The following SNRPB2 variants were observed in gnomAD, a reference collection of about 807,000 sequenced individuals.
The protein encoded by SNRPB2 is U2 small nuclear ribonucleoprotein B''.
SNRPB2 carries 16 observed loss-of-function variants against 26.3 expected under a neutral mutation model. The observed-to-expected ratio is 0.61, with a 90% CI of 0.41 to 0.92. The LOEUF is 0.92. Among genes scored for constraint, SNRPB2 ranks in the 40% least tolerant of loss-of-function variants. SNRPB2 has a pLI of 0.00. For missense variants in SNRPB2, 179 were observed against 268.1 expected (o/e 0.67, Z 2.32); for synonymous variants, 75 against 89.0 (o/e 0.84, Z 0.88).
intron 5 of SNRPB2, among the ~76,000 whole-genome samples, chr20:16,739,124 A>G (rs1020258189): frequency 1.3e-5 from 2 of 152,208 alleles, no homozygotes; most frequent in Non-Finnish European, 2.9e-5. Context: ...CTTGTTTTCC[A>G]TAATGAATCA....
chr20:16,731,247 G>C (rs998178264), intron 1 of SNRPB2, among the ~76,000 whole-genome samples: 6 of 152,156 alleles, frequency 3.9e-5, no homozygotes, highest in African/African-American at 1.4e-4. Context: ...GACTTTGTAA[G>C]TGCACCCATT....
At chr20:16,737,545 G>A (rs1278155370) in intron 4 of SNRPB2, 144 bp downstream of exon 4, 1 of 616,494 alleles carries the variant, frequency 1.6e-6, no homozygotes, top group Admixed American at 3.4e-5. Flanking sequence ...AGCTAGAATG[G>A]TTGACTTATA....
At chr20:16,733,812 C>T (rs2072408411) in intron 3 of SNRPB2, among the ~76,000 whole-genome samples, 1 of 152,290 alleles carries the variant, frequency 6.6e-6, no homozygotes, top group South Asian at 2.1e-4. Context: ...CTATCCAGCT[C>T]TCCTTTTCCC....
intron 4 of SNRPB2, among the ~76,000 whole-genome samples, chr20:16,738,039 A>C (rs1360924848): frequency 1.5e-5 from 2 of 136,238 alleles, no homozygotes; most frequent in African/African-American, 2.9e-5. Context: ...ACTCTGTCTC[A>C]AAAAAAAAAA....
intron 6 of SNRPB2, 107 bp downstream of exon 6, chr20:16,740,520 T>C (rs780236349): frequency 8.0e-6 from 12 of 1,499,938 alleles, no homozygotes; most frequent in Non-Finnish European, 1.1e-5. Context: ...CCTTACAGGT[T>C]CATTGATTTG....
intron 3 of SNRPB2, among the ~76,000 whole-genome samples, chr20:16,734,467 T>A (rs2072412456): frequency 6.6e-6 from 1 of 152,208 alleles, no homozygotes; most frequent in Admixed American, 6.5e-5. Context: ...CAAAAGTACC[T>A]TAATAAAGTA....
chr20:16,735,999 T>C (rs6044275), intron 3 of SNRPB2, among the ~76,000 whole-genome samples: 68,160 of 152,038 alleles, frequency 0.45, 16,237 homozygotes, highest in African/African-American at 0.62. Context: ...AATGCATTTT[T>C]GTTGTTGTTG....
chr20:16,740,757 C>T, intron 6 of SNRPB2, 89 bp from the exon 7 acceptor site: 1 of 941,812 alleles, frequency 1.1e-6, no homozygotes, highest in Non-Finnish European at 1.6e-6. Flanking sequence ...TTTTCTTGGA[C>T]TAGTATTAGG....
chr20:16,740,102 A>G (rs2122508102), intron 5 of SNRPB2, among the ~76,000 whole-genome samples: 1 of 152,124 alleles, frequency 6.6e-6, no homozygotes, highest in African/African-American at 2.4e-5. Context: ...CTTAAAACAT[A>G]ATTGTTTCAT....
chr20:16,739,659 A>G (rs766948579), intron 5 of SNRPB2, among the ~76,000 whole-genome samples: 1 of 152,080 alleles, frequency 6.6e-6, no homozygotes, highest in Non-Finnish European at 1.5e-5. Context: ...TATTTTTTAT[A>G]CTTGCTCTTT....
intron 5 of SNRPB2, among the ~76,000 whole-genome samples, chr20:16,739,735 C>A (rs2072451123): frequency 6.6e-6 from 1 of 152,048 alleles, no homozygotes; most frequent in Admixed American, 6.6e-5. Flanking sequence ...TTCTTTAGTT[C>A]CCCATAACCT....
At chr20:16,732,112 CTT>C in intron 2 of SNRPB2, 50 bp from the exon 3 acceptor site, 2 of 1,128,296 alleles carry the variant, frequency 1.8e-6, no homozygotes, top group South Asian at 2.9e-5. Context: ...TTTATGAAGA[CTT>C]TTGTCATTAC....
At chr20:16,733,069 C>T (rs1261897440) in intron 3 of SNRPB2, among the ~76,000 whole-genome samples, 2 of 152,022 alleles carry the variant, frequency 1.3e-5, no homozygotes, top group African/African-American at 2.4e-5. Context: ...TTTTTTTCTG[C>T]GATTAGAATG....
intron 5 of SNRPB2, among the ~76,000 whole-genome samples, chr20:16,739,227 A>G (rs2072447819): frequency 6.6e-6 from 1 of 152,184 alleles, no homozygotes; most frequent in Non-Finnish European, 1.5e-5. Flanking sequence ...ACACAGTTGC[A>G]TGGGTAAGGG....
chr20:16,735,118 C>G (rs764123179), intron 3 of SNRPB2, among the ~76,000 whole-genome samples: 2 of 152,172 alleles, frequency 1.3e-5, no homozygotes, highest in Non-Finnish European at 2.9e-5. Context: ...TCCCTCCCCT[C>G]TTGTTTCCCC....
intron 4 of SNRPB2, among the ~76,000 whole-genome samples, 169 bp downstream of exon 4, chr20:16,737,570 G>A (rs2072434833): frequency 6.6e-6 from 1 of 152,158 alleles, no homozygotes; most frequent in African/African-American, 2.4e-5. Flanking sequence ...TCAGTATTAA[G>A]AAACAAAATA....
chr20:16,733,694 C>A (rs574273829), intron 3 of SNRPB2, among the ~76,000 whole-genome samples: 1 of 152,326 alleles, frequency 6.6e-6, no homozygotes, highest in African/African-American at 2.4e-5. Flanking sequence ...TGAGAACAGG[C>A]AGTGTTGGCT....
rs149582122 is a variant in SNRPB2, at chr20:16,737,275, A to G, written c.252A>G (p.Ala84=). 61 of 1,593,504 alleles carry G rather than the reference A, an allele frequency of 3.8e-5. No homozygotes were observed. In the Middle Eastern group the frequency reaches 8.4e-4, roughly 22 times the overall value. The change falls in exon 4 of 7, where the codon GCA becomes GCG. Residue 84 remains alanine (A), a synonymous_variant. Coordinates refer to ENST00000246071, the MANE Select transcript of SNRPB2 (RefSeq NM_003092.5). ...FYGKPMRIQY[A]KTDSDIISKM... ...AATTAAAACAGCGAATACAGTATGC[A>G]AAAACAGATTCGGATATAATATCAA...
In SNRPB2 at chr20:16,732,196, C is replaced by G; in HGVS notation, c.97C>G (p.Gln33Glu). The G allele has an allele frequency of 6.2e-7, 1 of 1,602,580 alleles. No individual in the cohort carries two copies. Among genetic ancestry groups the G allele is most frequent in the Non-Finnish European group, 8.5e-7 (1 of 1,173,610 alleles). Residue 33 changes from glutamine to glutamate, a missense_variant, in exon 3 of 7, where the codon CAG (glutamine) becomes GAG (glutamate). Around this residue, in one of 2 missense-constraint regions of SNRPB2, gnomAD observed 145 missense variants for 180.7 expected, o/e 0.80. Coordinates refer to ENST00000246071, the MANE Select transcript of SNRPB2 (RefSeq NM_003092.5). ...GAGATCCCTATATGCCCTGTTTTCT[C>G]AGTTTGGTCATGTGGTGGACATTGT... The part of the protein sequence containing the change: ...LKRSLYALFS[Q>E]FGHVVDIVAL...
Sources: allele counts gnomAD v4.1 joint callset (sites outside exome capture counted in the v4.1 genomes callset), GRCh38; gene constraint gnomAD v4.1.1; regional missense constraint gnomAD v4.1.1; transcripts MANE v1.5; gene names NCBI Gene and HGNC (gene_info 2026-07-23, HGNC 2026-07-21).